Variants in SGK3 observed in about 807,000 individuals in gnomAD.
SGK3 encodes the protein serum/glucocorticoid regulated kinase family member 3.
SGK3 carries 47 observed loss-of-function variants against 68.5 expected under a neutral mutation model. That is an observed-to-expected ratio of 0.69 (90% CI 0.54 to 0.87). The LOEUF (loss-of-function observed/expected upper bound fraction) is 0.87, where lower values mean the gene tolerates loss of function less well. SGK3 is among the 40% of genes least tolerant of loss of function. SGK3 has a pLI of 0.00. For synonymous variants in SGK3, 181 were observed against 189.1 expected (o/e 0.96, Z 0.35); for missense variants, 479 against 575.5 (o/e 0.83, Z 1.72).
At chr8:66,781,671 T>C (rs1451932333) in intron 1 of SGK3, among the ~76,000 whole-genome samples, 1 of 152,270 alleles carries the variant, frequency 6.6e-6, no homozygotes, top group Non-Finnish European at 1.5e-5. Flanking sequence ...AAGTTGTTGG[T>C]GCACAACACT....
intron 15 of SGK3, 38 bp downstream of exon 15, chr8:66,847,386 C>T: frequency 1.3e-6 from 2 of 1,599,656 alleles, no homozygotes; most frequent in Non-Finnish European, 1.7e-6. Context: ...TTTATTTAAG[C>T]TTATTTAAAA....
chr8:66,844,967 C>T (rs1809947639), intron 14 of SGK3, among the ~76,000 whole-genome samples: 1 of 152,086 alleles, frequency 6.6e-6, no homozygotes, highest in South Asian at 2.1e-4. Context: ...TATTTATTTG[C>T]CATCTTGATA....
intron 1 of SGK3, among the ~76,000 whole-genome samples, chr8:66,741,512 T>C (rs1805479110): frequency 6.6e-6 from 1 of 152,068 alleles, no homozygotes; most frequent in African/African-American, 2.4e-5. Context: ...ATCGCACCGC[T>C]GCACTCCAGC....
intron 6 of SGK3, among the ~76,000 whole-genome samples, chr8:66,824,807 CAT>C (rs988351023): frequency 3.9e-5 from 6 of 152,140 alleles, no homozygotes; most frequent in Non-Finnish European, 8.8e-5. Flanking sequence ...GTATTTAAAA[CAT>C]ATGCATATTC....
intron 15 of SGK3, among the ~76,000 whole-genome samples, chr8:66,848,581 T>G (rs1197887790): frequency 6.6e-6 from 1 of 152,232 alleles, no homozygotes; most frequent in African/African-American, 2.4e-5. Flanking sequence ...TGTCATTTTC[T>G]TCTTCGTATT....
chr8:66,794,706 G>A (rs1807604424), intron 2 of SGK3, among the ~76,000 whole-genome samples: 1 of 152,108 alleles, frequency 6.6e-6, no homozygotes, highest in Non-Finnish European at 1.5e-5. Flanking sequence ...TGGCATCATG[G>A]TTTATGGGAG....
chr8:66,731,081 A>G (rs1805137360), intron 1 of SGK3, among the ~76,000 whole-genome samples: 1 of 152,210 alleles, frequency 6.6e-6, no homozygotes, highest in South Asian at 2.1e-4. Flanking sequence ...TGAATTTACC[A>G]GATTTCCTTT....
At chr8:66,753,151 T>C (rs1282641125) in intron 1 of SGK3, among the ~76,000 whole-genome samples, 1 of 152,208 alleles carries the variant, frequency 6.6e-6, no homozygotes, top group African/African-American at 2.4e-5. Context: ...TATATTTAAT[T>C]ATCACAACAA....
At chr8:66,729,013 A>T (rs1323612788) in intron 1 of SGK3, among the ~76,000 whole-genome samples, 1 of 151,726 alleles carries the variant, frequency 6.6e-6, no homozygotes, top group African/African-American at 2.4e-5. Context: ...AGGTCAGGAG[A>T]TGGAGACCAT....
rs1382515146 is a variant in SGK3, at chr8:66,839,557, ATT to A, written c.742-443_742-442del. Among the ~76,000 whole-genome samples the A allele has an allele frequency of 3.5e-3, 257 of 72,486 alleles. 18 individuals carry two copies. Among genetic ancestry groups the A allele is most frequent in the African/African-American group, 0.018 (232 of 13,090 alleles). The allele number at this position is 72,486 out of a possible 152,430, so 47.6% of individuals were successfully genotyped here. On this transcript the variant is annotated intron_variant, in intron 10 of 16. Transcript: ENST00000521198. ...TATATATATATATATATATATATAT[ATT>A]TTCATATGGGTTATATTTGTTCTGC...
chr8:66,724,576 A>G (rs1410316035), intron 1 of SGK3, among the ~76,000 whole-genome samples: 1 of 152,196 alleles, frequency 6.6e-6, no homozygotes, highest in African/African-American at 2.4e-5. Context: ...ACTCTGTCTC[A>G]AGAAAATAAA....
intron 2 of SGK3, among the ~76,000 whole-genome samples, chr8:66,796,558 G>A (rs1054650028): frequency 2.9e-4 from 43 of 150,524 alleles, no homozygotes; most frequent in South Asian, 1.9e-3. Flanking sequence ...TCAGCCTCCC[G>A]AAGTGCTGGG....
intron 2 of SGK3, among the ~76,000 whole-genome samples, chr8:66,794,799 C>A (rs112996660): frequency 1.2e-4 from 18 of 152,144 alleles, no homozygotes; most frequent in Non-Finnish European, 2.6e-4. Flanking sequence ...TTCTTGTCGT[C>A]CCTCTAGATC....
intron 1 of SGK3, among the ~76,000 whole-genome samples, chr8:66,724,370 G>GT (rs1421114553): frequency 6.6e-6 from 1 of 152,214 alleles, no homozygotes; most frequent in East Asian, 1.9e-4. Flanking sequence ...AAGGTCAGGA[G>GT]TTTGAGACCA....
chr8:66,778,947 G>C (rs1351841600), intron 1 of SGK3, among the ~76,000 whole-genome samples: 1 of 152,140 alleles, frequency 6.6e-6, no homozygotes, highest in African/African-American at 2.4e-5. Context: ...TTTTGTTTTT[G>C]TATTTCTAGA....
intron 1 of SGK3, among the ~76,000 whole-genome samples, chr8:66,751,409 A>G (rs951427617): frequency 4.6e-5 from 7 of 152,214 alleles, no homozygotes; most frequent in African/African-American, 1.4e-4. Flanking sequence ...TGAGCTTCTT[A>G]AAATACCATT....
chr8:66,796,321 A>ATTTTTTTTTTTTTTTT (rs71249408), intron 2 of SGK3, among the ~76,000 whole-genome samples: 3 of 41,360 alleles, frequency 7.3e-5, no homozygotes, highest in African/African-American at 1.6e-4. Context: ...TATTTTTTGT[A>ATTTTTTTTTTTTTTTT]TTTTTTTTTT....
At chr8:66,746,060 T>TAGC (rs922905196) in intron 1 of SGK3, among the ~76,000 whole-genome samples, 3 of 152,198 alleles carry the variant, frequency 2.0e-5, no homozygotes, top group African/African-American at 4.8e-5. Context: ...CCATAGATTA[T>TAGC]AGCAGCAGCA....
rs1476621420 is a variant in SGK3, at chr8:66,804,466, G to A, written c.253+19G>A. The A allele has an allele frequency of 6.2e-7, 1 of 1,610,224 alleles. No homozygotes were observed. The highest frequency in any genetic ancestry group is 1.1e-5 in the South Asian group (1 of 90,592). ...GATCCAGGTAAGAAACAACTTCATA[G>A]GCCAGCTATGAAGTGATTGTTGAAG... On this transcript the variant is annotated intron_variant, in intron 4 of 16. Transcript: ENST00000521198.
Sources: allele counts gnomAD v4.1 joint callset (sites outside exome capture counted in the v4.1 genomes callset), GRCh38; gene constraint gnomAD v4.1.1; transcripts MANE v1.5; gene names NCBI Gene and HGNC (gene_info 2026-07-23, HGNC 2026-07-21).